Variants in HSD17B12 observed in about 807,000 individuals in gnomAD.
HSD17B12 encodes the protein hydroxysteroid 17-beta dehydrogenase 12, also known as very-long-chain 3-oxoacyl-CoA reductase.
HSD17B12 carries 32 observed loss-of-function variants against 39.3 expected under a neutral mutation model. That is an observed-to-expected ratio of 0.81 (90% CI 0.61 to 1.09). The LOEUF (loss-of-function observed/expected upper bound fraction) is 1.09. Among genes scored for constraint, HSD17B12 ranks in the 50% least tolerant of loss-of-function variants. The probability of loss-of-function intolerance (pLI) is 0.00; values close to 1 mark genes in which losing one functional copy is unlikely to be tolerated. For missense variants in HSD17B12, 342 were observed against 382.9 expected (o/e 0.89, Z 0.89); for synonymous variants, 150 against 146.7 (o/e 1.02, Z -0.16).
intron 1 of HSD17B12, among the ~76,000 whole-genome samples, chr11:43,690,398 A>ATTTTTT (rs1303064530): frequency 5.5e-4 from 15 of 27,478 alleles, no homozygotes; most frequent in Non-Finnish European, 8.0e-4. Flanking sequence ...ATATATATAT[A>ATTTTTT]TATATATTTT....
At chr11:43,687,206 A>G (rs1041906842) in intron 1 of HSD17B12, among the ~76,000 whole-genome samples, 2 of 152,214 alleles carry the variant, frequency 1.3e-5, no homozygotes, top group Admixed American at 6.5e-5. Flanking sequence ...AACAACATGT[A>G]GCAATTCATA....
the HSD17B12 span, among the ~76,000 whole-genome samples, chr11:43,672,080 G>T: frequency 6.6e-6 from 1 of 151,886 alleles, no homozygotes; most frequent in African/African-American, 2.4e-5. Context: ...ACCGAGTCTC[G>T]CTCTGTCGCC....
chr11:43,587,331 G>T, the HSD17B12 span, among the ~76,000 whole-genome samples: 2 of 151,942 alleles, frequency 1.3e-5, no homozygotes, highest in Non-Finnish European at 2.9e-5. Context: ...AAAAAACCAG[G>T]CATTTTATAT....
In HSD17B12 at chr11:43,839,969, G is replaced by A. The variant is rs1281103260; in HGVS notation, c.619-30G>A. ...TCAGGCAGATTGATGTAATGTGTGT[G>A]TTTTCTTCTCACTCCCACTCCCCTC... On this transcript the variant is annotated intron_variant, in intron 8 of 10. Transcript: ENST00000278353. 5.7e-6 allele frequency: 9 copies of A among 1,569,944 alleles called. No homozygotes were observed. In the African/African-American group the frequency reaches 9.5e-5, roughly 17 times the overall value.
At position 43,750,915 on chromosome 11, in the gene HSD17B12, C is replaced by T; in HGVS notation, c.165C>T (p.Val55=). 1 of 1,598,530 alleles carries T rather than the reference C, an allele frequency of 6.3e-7. No individual in the cohort carries two copies. The highest frequency in any genetic ancestry group is 8.5e-7 in the Non-Finnish European group (1 of 1,171,006). ...VGPGLGEWAV[V]TGSTDGIGKS... Reference sequence around the variant, plus strand: ...TTGCTTTTTTCCCTTTCCCAGTTGTCACAGGTAGTACTGATGGAATTGGAA... The same window carrying T: ...TTGCTTTTTTCCCTTTCCCAGTTGTTACAGGTAGTACTGATGGAATTGGAA... Residue 55 remains valine (V), a synonymous_variant, in exon 2 of 11, where the codon GTC becomes GTT. Transcript: ENST00000278353.
At chr11:43,632,076 G>A in the HSD17B12 span, among the ~76,000 whole-genome samples, 2 of 152,174 alleles carry the variant, frequency 1.3e-5, no homozygotes, top group Non-Finnish European at 2.9e-5. Context: ...AGAAAGCGCA[G>A]ATCCTAATCT....
chr11:43,763,219 C>T (rs751636052), intron 3 of HSD17B12, among the ~76,000 whole-genome samples: 8 of 151,922 alleles, frequency 5.3e-5, no homozygotes, highest in Non-Finnish European at 1.2e-4. Flanking sequence ...CTTAGGTACC[C>T]AAGACAAGAA....
At chr11:43,821,114 A>C (rs914873303) in intron 6 of HSD17B12, among the ~76,000 whole-genome samples, 2 of 152,238 alleles carry the variant, frequency 1.3e-5, no homozygotes, top group Non-Finnish European at 2.9e-5. Flanking sequence ...ATGTTTAATC[A>C]TAAGCAGTTC....
the HSD17B12 span, among the ~76,000 whole-genome samples, chr11:43,623,386 TG>T: frequency 2.8e-5 from 4 of 143,284 alleles, no homozygotes; most frequent in African/African-American, 5.0e-5. Flanking sequence ...ATTAAAGGTT[TG>T]TTTTTTTTGT....
At chr11:43,718,671 A>G in intron 1 of HSD17B12, 1 of 752,112 alleles carries the variant, frequency 1.3e-6, no homozygotes, top group Non-Finnish European at 2.3e-6. Context: ...TAGCCTTTTC[A>G]CAAGATGGCG....
At chr11:43,812,692 T>C (rs1951084176) in intron 4 of HSD17B12, among the ~76,000 whole-genome samples, 1 of 152,248 alleles carries the variant, frequency 6.6e-6, no homozygotes, top group Non-Finnish European at 1.5e-5. Flanking sequence ...TGTTGATTAT[T>C]TCCTTTGCTG....
intron 3 of HSD17B12, among the ~76,000 whole-genome samples, chr11:43,777,964 G>A (rs192863026): frequency 0.015 from 2,311 of 151,914 alleles, 72 homozygotes; most frequent in African/African-American, 0.053. Flanking sequence ...GCTAGCAGAA[G>A]GCAAGAAATA....
intron 3 of HSD17B12, among the ~76,000 whole-genome samples, chr11:43,784,801 A>T (rs570640658): frequency 6.6e-6 from 1 of 152,336 alleles, no homozygotes; most frequent in South Asian, 2.1e-4. Flanking sequence ...AAACCTGTAC[A>T]GACACATGTG....
rs544119613 is a variant in HSD17B12, at chr11:43,768,969, C to A, written c.283+14848C>A. On this transcript the variant is annotated intron_variant, in intron 3 of 10. Coordinates refer to ENST00000278353, the MANE Select transcript of HSD17B12 (RefSeq NM_016142.3). ...GACTGATACATTTACAATCCTCTAGCTAGACAGAAAAGTTCACGAAGTCCC... is the reference window on the plus strand; with the variant it reads ...GACTGATACATTTACAATCCTCTAGATAGACAGAAAAGTTCACGAAGTCCC... Among the ~76,000 whole-genome samples, 4 of 152,318 alleles carry A rather than the reference C, an allele frequency of 2.6e-5. 1 individual carries two copies. Among genetic ancestry groups the A allele is most frequent in the Admixed American group, 2.6e-4 (4 of 15,306 alleles).
chr11:43,725,361 C>T (rs1950211735), intron 1 of HSD17B12, among the ~76,000 whole-genome samples: 1 of 152,194 alleles, frequency 6.6e-6, no homozygotes, highest in Non-Finnish European at 1.5e-5. Flanking sequence ...ATGCCTAGCA[C>T]ATAGTAAGCA....
intron 9 of HSD17B12, among the ~76,000 whole-genome samples, chr11:43,841,756 T>TAGG (rs1951428412): frequency 6.6e-6 from 1 of 152,200 alleles, no homozygotes; most frequent in Non-Finnish European, 1.5e-5. Context: ...TGCTCCTGCC[T>TAGG]ATCAGCTACC....
At chr11:43,658,306 A>G in the HSD17B12 span, among the ~76,000 whole-genome samples, 1 of 151,980 alleles carries the variant, frequency 6.6e-6, no homozygotes. Flanking sequence ...GTTTTTTTTC[A>G]AAGTTTTTAA....
At chr11:43,716,742 CATAT>C (rs34482711) in intron 1 of HSD17B12, among the ~76,000 whole-genome samples, 9 of 145,696 alleles carry the variant, frequency 6.2e-5, no homozygotes, top group Middle Eastern at 3.3e-3. Context: ...ATATATTATA[CATAT>C]ATATATATAT....
At chr11:43,654,710 G>A in the HSD17B12 span, among the ~76,000 whole-genome samples, 1 of 152,128 alleles carries the variant, frequency 6.6e-6, no homozygotes, top group African/African-American at 2.4e-5. Flanking sequence ...GGTTGTAGAT[G>A]TGTGGTGTTA....
Sources: gnomAD v4.1 joint callset for allele counts (sites outside exome capture counted in the v4.1 genomes callset) on GRCh38, gnomAD v4.1.1 for gene constraint, MANE v1.5 for transcripts, NCBI Gene and HGNC (gene_info 2026-07-23, HGNC 2026-07-21) for gene names.